Variants in MRNIP observed in about 807,000 individuals in gnomAD.
MRNIP encodes the protein MRN complex interacting protein.
A neutral mutation model predicts 29.8 loss-of-function variants in MRNIP; 30 were observed. That is an observed-to-expected ratio of 1.01 (90% CI 0.75 to 1.36). MRNIP has a LOEUF of 1.36. Ranked by LOEUF, MRNIP falls within the 40% of genes most tolerant of loss-of-function variation. The pLI is 0.00. For missense variants in MRNIP, 459 were observed against 423.5 expected (o/e 1.08, Z -0.74); for synonymous variants, 201 against 164.1 (o/e 1.23, Z -1.72).
intron 2 of MRNIP, among the ~76,000 whole-genome samples, chr5:179,852,111 T>G (rs1302988606): frequency 6.6e-6 from 1 of 151,736 alleles, no homozygotes; most frequent in Non-Finnish European, 1.5e-5. Context: ...TGAAACCCCG[T>G]CTCTATTAAA....
Position 179,844,025 on chromosome 5 carries a change from T to G in MRNIP, c.291+127A>C, listed in dbSNP as rs149866986. On this transcript the variant is annotated intron_variant, in intron 4 of 6. Transcript: ENST00000292586. Reference sequence around the variant, plus strand: ...TATTTATTTTTGTGTTCCCTGCAGCTTTAAGCCAACTGCCTGTCATTGGGT... The same window carrying G: ...TATTTATTTTTGTGTTCCCTGCAGCGTTAAGCCAACTGCCTGTCATTGGGT... The G allele has an allele frequency of 3.5e-3, 2,744 of 780,280 alleles. 8 individuals carry two copies. Among genetic ancestry groups the G allele is most frequent in the Non-Finnish European group, 4.2e-3 (1,951 of 459,692 alleles). 48.3% of individuals were successfully genotyped at this position (780,280 alleles called of 1,614,324 possible).
At chr5:179,854,442 T>C (rs1372743938) in intron 1 of MRNIP, among the ~76,000 whole-genome samples, 2 of 152,230 alleles carry the variant, frequency 1.3e-5, no homozygotes, top group African/African-American at 4.8e-5. Flanking sequence ...GAACAGACTA[T>C]TTAACAAGTC....
intron 5 of MRNIP, 164 bp downstream of exon 5, chr5:179,841,743 G>T: frequency 1.4e-6 from 1 of 720,290 alleles, no homozygotes. Context: ...GCCCAGGTGG[G>T]CTGTGGGGCC....
At chr5:179,842,289 A>G (rs370399699) in intron 4 of MRNIP, among the ~76,000 whole-genome samples, 1 of 152,138 alleles carries the variant, frequency 6.6e-6, no homozygotes, top group Admixed American at 6.5e-5. Flanking sequence ...GCCCACCAAG[A>G]GACTCATGAA....
intron 3 of MRNIP, chr5:179,846,274 T>C (rs1167920748): frequency 1.3e-5 from 2 of 152,020 alleles, no homozygotes; most frequent in Non-Finnish European, 2.9e-5. Context: ...ACTTTTTCTT[T>C]GGGGATTCTT....
At position 179,853,368 on chromosome 5, in the gene MRNIP, T is replaced by C; in HGVS notation, c.126+10A>G. On this transcript the variant is annotated intron_variant, in intron 2 of 6. Transcript: ENST00000292586. The stretch of plus-strand genomic sequence containing the variant: ...TGCGCCCCACTTGCTTTCTGTTTTG[T>C]AGGACTCACCTGCAAAAAGGACTGC... 6.2e-7 allele frequency: 1 copy of C among 1,612,344 alleles called. No individual in the cohort carries two copies. The highest frequency in any genetic ancestry group is 2.2e-5 in the East Asian group (1 of 44,882).
rs374671205 is a variant in MRNIP at position 179,840,893 on chromosome 5, C to T, written c.516G>A (p.Glu172=). 2 of 1,611,700 alleles carry T rather than the reference C, an allele frequency of 1.2e-6. No individual in the cohort carries two copies. The highest frequency in any genetic ancestry group is 1.7e-4 in the Middle Eastern group (1 of 6,052). Residue 172 remains glutamate (E), a synonymous_variant, in exon 6 of 7, where the codon GAG becomes GAA. Transcript: ENST00000292586. ...SRGVQDSGGS[E]VAWGPQKGQA... is the part of the protein sequence containing the mutation. ...TGACCTTCTGGGGTCCCCAGGCGAC[C>T]TCAGAGCCACCCGAGTCCTGCACGC...
intron 2 of MRNIP, among the ~76,000 whole-genome samples, chr5:179,852,781 G>A (rs1759423053): frequency 6.6e-6 from 1 of 152,218 alleles, no homozygotes; most frequent in Non-Finnish European, 1.5e-5. Flanking sequence ...GGCAAAGGAT[G>A]CAGGACAGTT....
At position 179,837,453 on chromosome 5, in the gene MRNIP, G is replaced by C; in HGVS notation, c.970C>G (p.Pro324Ala). The C allele has an allele frequency of 6.2e-7, 1 of 1,612,708 alleles. No homozygotes were observed. Among genetic ancestry groups the C allele is most frequent in the Non-Finnish European group, 8.5e-7 (1 of 1,179,086 alleles). Residue 324 changes from proline to alanine, a missense_variant, in exon 7 of 7, where the codon CCT (proline) becomes GCT (alanine). Coordinates refer to ENST00000292586, the MANE Select transcript of MRNIP (RefSeq NM_016175.4). ...GGPLVLEAQN[P>A]RPTRLCDLFI... ...AGGTCACATAGTCGTGTGGGTCGAG[G>C]ATTCTGTGCCTCCAGGACCAGGGGC...
rs764971145 is a variant in MRNIP, at chr5:179,837,395, ACAT to A, written c.1025_1027del (p.Asp342del). On this transcript the variant is annotated inframe_deletion, in exon 7 of 7. Coordinates refer to ENST00000292586, the MANE Select transcript of MRNIP (RefSeq NM_016175.4). ...TAATAACCTGCCAGTCCCAGATCAC[ACAT>A]CATCATCGAAGTCTTCCCCAGTTAT... is the stretch of plus-strand genomic sequence containing the variant. 9 of 1,589,640 alleles carry A rather than the reference ACAT, an allele frequency of 5.7e-6. No homozygotes were observed. Among genetic ancestry groups the A allele is most frequent in the South Asian group, 3.4e-5 (3 of 88,098 alleles).
chr5:179,842,093 C>A, intron 4 of MRNIP, 29 bp from the exon 5 acceptor site: 1 of 1,611,046 alleles, frequency 6.2e-7, no homozygotes, highest in South Asian at 1.1e-5. Flanking sequence ...AGTTGATTCT[C>A]AGTACTGGAA....
At chr5:179,845,207 C>T (rs375532763) in intron 3 of MRNIP, among the ~76,000 whole-genome samples, 14 of 136,496 alleles carry the variant, frequency 1.0e-4, no homozygotes, top group South Asian at 6.4e-4. Context: ...TTAATTTCTT[C>T]TTTTTTTTTT....
At chr5:179,840,533 AC>A in intron 6 of MRNIP, 1 of 453,830 alleles carries the variant, frequency 2.2e-6, no homozygotes, top group Non-Finnish European at 3.9e-6. Flanking sequence ...CCCGCTGACG[AC>A]TCCTGCCCGG....
In MRNIP at chr5:179,853,771, CAAAA is replaced by C. The variant is rs1194151136; in HGVS notation, c.67-338_67-335del. On this transcript the variant is annotated intron_variant, in intron 1 of 6. Coordinates refer to ENST00000292586, the MANE Select transcript of MRNIP (RefSeq NM_016175.4). ...TACACGACAGGGTGAGACTCCATCTCAAAAAAACAAACAAACAAACAAAAAACAA... is the reference window on the plus strand; with the variant it reads ...TACACGACAGGGTGAGACTCCATCTCAAACAAACAAACAAACAAAAAACAA... Among the ~76,000 whole-genome samples the C allele has an allele frequency of 1.1e-4, 17 of 150,634 alleles. No individual in the cohort carries two copies. In the East Asian group the frequency reaches 3.0e-3, roughly 26 times the overall value.
intron 1 of MRNIP, among the ~76,000 whole-genome samples, chr5:179,854,395 T>C (rs1759498083): frequency 6.6e-6 from 1 of 152,188 alleles, no homozygotes; most frequent in Non-Finnish European, 1.5e-5. Context: ...ATTTAGCGTA[T>C]CATAATCATA....
chr5:179,855,052 T>C (rs893111153), intron 1 of MRNIP, among the ~76,000 whole-genome samples: 3 of 152,366 alleles, frequency 2.0e-5, no homozygotes, highest in African/African-American at 4.8e-5. Context: ...TCATTATTTA[T>C]AGACATAATT....
chr5:179,855,978 G>T lies in MRNIP; in HGVS notation c.67-2541C>A, dbSNP rs774887736. On this transcript the variant is annotated intron_variant, in intron 1 of 6. Coordinates refer to ENST00000292586, the MANE Select transcript of MRNIP (RefSeq NM_016175.4). Reference sequence around the variant, plus strand: ...GGCTGGAGCACTGTGGCGTGATCTCGGCTCACTGCAACCTCTGCCTCCTGG... The same window carrying T: ...GGCTGGAGCACTGTGGCGTGATCTCTGCTCACTGCAACCTCTGCCTCCTGG... Among the ~76,000 whole-genome samples, 190 of 143,718 alleles carry T rather than the reference G, an allele frequency of 1.3e-3. 1 individual carries two copies. Among genetic ancestry groups the T allele is most frequent in the Middle Eastern group, 0.011 (3 of 272 alleles). 94.3% of individuals were successfully genotyped at this position (143,718 alleles called of 152,430 possible).
chr5:179,839,907 T>C (rs1327896611), intron 6 of MRNIP: 2 of 152,264 alleles, frequency 1.3e-5, no homozygotes, highest in East Asian at 3.9e-4. Flanking sequence ...GTGGGAAGAT[T>C]GCTTGAGCTC....
In MRNIP at chr5:179,842,032, C is replaced by T. The variant is rs1758903121; in HGVS notation, c.324G>A (p.Leu108=). 6.2e-7 allele frequency: 1 copy of T among 1,614,020 alleles called. No individual in the cohort carries two copies. The highest frequency in any genetic ancestry group is 1.7e-5 in the Admixed American group (1 of 59,992). Residue 108 remains leucine, a synonymous_variant, in exon 5 of 7, where the codon CTG becomes CTA. Coordinates refer to ENST00000292586, the MANE Select transcript of MRNIP (RefSeq NM_016175.4). ...CTTGGGAGTCCTTTTCTAGATACTT[C>T]AGCCAGCGACTCTCTGAGGGCTGCG... ...EKSQPSESRW[L]KYLEKDSQEL...
Sources: allele counts gnomAD v4.1 joint callset (sites outside exome capture counted in the v4.1 genomes callset), GRCh38; gene constraint gnomAD v4.1.1; transcripts MANE v1.5; gene names NCBI Gene and HGNC (gene_info 2026-07-23, HGNC 2026-07-21).